Variants in SP140 observed in about 807,000 individuals in gnomAD.
SP140 encodes the protein nuclear body protein SP140.
SP140 carries 81 observed loss-of-function variants against 125.0 expected under a neutral mutation model. That is an observed-to-expected ratio of 0.65 (90% CI 0.54 to 0.78). The LOEUF is 0.78. Ranked by LOEUF, SP140 falls within the 30% of genes least tolerant of loss-of-function variation. The probability of loss-of-function intolerance (pLI) is 0.00; values close to 1 mark genes in which losing one functional copy is unlikely to be tolerated. For missense variants in SP140, 858 were observed against 1,037.0 expected (o/e 0.83, Z 2.37); for synonymous variants, 312 against 354.0 (o/e 0.88, Z 1.33).
chr2:230,217,609 ATG>A (rs2148958452), intron 3 of SP140, among the ~76,000 whole-genome samples: 1 of 152,330 alleles, frequency 6.6e-6, no homozygotes. Context: ...GGTGGTTCCT[ATG>A]ACTGCACCTG....
chr2:230,212,967 C>A, intron 1 of SP140: 1 of 1,614,040 alleles, frequency 6.2e-7, no homozygotes, highest in Non-Finnish European at 8.5e-7. Flanking sequence ...TTCTGCTAGG[C>A]CAGTTGGGGC....
intron 1 of SP140, chr2:230,235,122 C>A (rs1379157261): frequency 6.6e-6 from 1 of 152,174 alleles, no homozygotes; most frequent in Non-Finnish European, 1.5e-5. Context: ...TAAGAGGAAA[C>A]CTCCAGTCTT....
At chr2:230,234,567 C>CT (rs575378887) in intron 1 of SP140, among the ~76,000 whole-genome samples, 30 of 152,274 alleles carry the variant, frequency 2.0e-4, no homozygotes, top group Middle Eastern at 3.4e-3. Flanking sequence ...TGGGTATACA[C>CT]TTTTTTTAGT....
chr2:230,245,676 G>A (rs1371222242), intron 6 of SP140, among the ~76,000 whole-genome samples, 187 bp from the exon 7 acceptor site: 3 of 152,126 alleles, frequency 2.0e-5, no homozygotes, highest in Non-Finnish European at 2.9e-5. Flanking sequence ...AAAAGAAGGA[G>A]AGAGAGGGAG....
intron 12 of SP140, among the ~76,000 whole-genome samples, chr2:230,267,720 G>T (rs1335734539): frequency 6.6e-6 from 1 of 152,142 alleles, no homozygotes; most frequent in Non-Finnish European, 1.5e-5. Context: ...CAGCAAAGAG[G>T]CCACTATATT....
chr2:230,212,916 T>C, intron 1 of SP140: 1 of 1,613,702 alleles, frequency 6.2e-7, no homozygotes, highest in Non-Finnish European at 8.5e-7. Context: ...TTGAGGGGGT[T>C]GTGGTGGGGG....
intron 6 of SP140, among the ~76,000 whole-genome samples, 194 bp downstream of exon 6, chr2:230,245,274 G>C (rs1481783997): frequency 2.0e-5 from 3 of 152,130 alleles, no homozygotes; most frequent in African/African-American, 7.2e-5. Flanking sequence ...CCTGGGCAGA[G>C]AGCTTAAGGG....
At position 230,207,972 on chromosome 2, in the gene SP140, T is replaced by C. The variant is rs771033946; in HGVS notation, c.-323+4693T>C. The C allele has an allele frequency of 9.2e-6, 12 of 1,306,056 alleles. No individual in the cohort carries two copies. In the Admixed American group the frequency reaches 2.1e-4, roughly 23 times the overall value. The allele number at this position is 1,306,056 out of a possible 1,614,324, so 80.9% of individuals were successfully genotyped here. On this transcript the variant is annotated intron_variant, in intron 1 of 4. Transcript: ENST00000456542. ...GAGCTGTTTCCAGCCTCCAGCTTCC[T>C]CTTGTACTCTCATCTTACCTCCTGG...
rs532914168 is a variant in SP140, at chr2:230,293,405, C to T, written c.1968+617C>T. On this transcript the variant is annotated intron_variant, in intron 20 of 26. Transcript: ENST00000392045. ...AAGCAGGAGTGCAGTGGCTCAATCTCGGCTCACTGCAACCTCCACCTCCCA... is the reference window on the plus strand; with the variant it reads ...AAGCAGGAGTGCAGTGGCTCAATCTTGGCTCACTGCAACCTCCACCTCCCA... Among the ~76,000 whole-genome samples the T allele has an allele frequency of 7.9e-4, 121 of 152,288 alleles. 1 individual carries two copies. The highest frequency in any genetic ancestry group is 2.5e-3 in the African/African-American group (104 of 41,558).
chr2:230,223,694 G>T (rs2046001144), upstream of SP140, among the ~76,000 whole-genome samples: 1 of 152,204 alleles, frequency 6.6e-6, no homozygotes, highest in Non-Finnish European at 1.5e-5. Flanking sequence ...TTCAGAGTCA[G>T]GAATTTTGGA....
At position 230,307,990 on chromosome 2, in the gene SP140, T is replaced by TATATATATATAC. The variant is rs869070046; in HGVS notation, c.2059-1933_2059-1932insTATATATATACA. 5.5e-4 allele frequency among the ~76,000 whole-genome samples: 29 copies of TATATATATATAC among 52,622 alleles called. 1 individual carries two copies. Among genetic ancestry groups the TATATATATATAC allele is most frequent in the South Asian group, 3.1e-3 (3 of 972 alleles). 34.5% of individuals were successfully genotyped at this position (52,622 alleles called of 152,430 possible). A position where few individuals can be genotyped will look rare whatever the true frequency, so the allele number is the denominator to read the frequency against. On this transcript the variant is annotated intron_variant, in intron 22 of 26. Coordinates refer to ENST00000392045, the MANE Select transcript of SP140 (RefSeq NM_007237.5). The stretch of plus-strand genomic sequence containing the variant: ...ATATATATATATATATATATATATA[T>TATATATATATAC]ACACACACACACACACACACACACA...
At chr2:230,199,152 T>A (rs1260213980), upstream of SP140, among the ~76,000 whole-genome samples, 948 of 106,752 alleles carry the variant, frequency 8.9e-3, 9 homozygotes, top group African/African-American at 0.039. Flanking sequence ...ATTATTATTT[T>A]TTTTTTTTTT....
At position 230,245,938 on chromosome 2, in the gene SP140, A is replaced by G. The variant is rs1184894942; in HGVS notation, c.740A>G (p.Glu247Gly). 12 of 1,573,328 alleles carry G rather than the reference A, an allele frequency of 7.6e-6. No homozygotes were observed. The Admixed American group carries it at 1.3e-4, about 18-fold the overall frequency. Residue 247 changes from glutamate (E) to glycine (G), a missense_variant and splice_region_variant, in exon 7 of 27, where the codon GAA (glutamate) becomes GGA (glycine). Coordinates refer to ENST00000392045, the MANE Select transcript of SP140 (RefSeq NM_007237.5). ...EMPKLLPYDT[E>G]VLESNGMIDA... ...CCCAAGTTACTGCCTTATGATACAG[A>G]AGGTAATTAGGATTTAAATTAAAGC...
At chr2:230,226,031 G>A (rs972341574) in intron 1 of SP140, 128 bp downstream of exon 1, 7 of 736,128 alleles carry the variant, frequency 9.5e-6, no homozygotes, top group East Asian at 8.3e-5. Flanking sequence ...AATAAATAAC[G>A]AGGCAATCAG....
At position 230,269,589 on chromosome 2, in the gene SP140, C is replaced by T; in HGVS notation, c.1298C>T (p.Ala433Val). 6.3e-7 allele frequency: 1 copy of T among 1,597,544 alleles called. No individual in the cohort carries two copies. Among genetic ancestry groups the T allele is most frequent in the Non-Finnish European group, 8.6e-7 (1 of 1,169,496 alleles). The change falls in exon 13 of 27, where the codon GCT (alanine) becomes GTT (valine). Residue 433 changes from alanine to valine, a missense_variant. Physicochemically the swap from Ala to Val is moderately conservative, Grantham distance 64. Transcript: ENST00000392045. ...MNEEGESEEL[A>V]SSLLYDNVPG... ...GAAGAAGGAGAATCAGAAGAGCTTGCTTCTAGCCTGCTATATGATAATGTA... is the reference window on the plus strand; with the variant it reads ...GAAGAAGGAGAATCAGAAGAGCTTGTTTCTAGCCTGCTATATGATAATGTA...
At chr2:230,275,728 G>A (rs1395416264) in intron 15 of SP140, among the ~76,000 whole-genome samples, 2 of 152,218 alleles carry the variant, frequency 1.3e-5, no homozygotes, top group Non-Finnish European at 2.9e-5. Flanking sequence ...TAGTTAGGAA[G>A]CCATGTCAAA....
At chr2:230,265,632 A>G (rs527664866) in intron 12 of SP140, among the ~76,000 whole-genome samples, 17 of 152,038 alleles carry the variant, frequency 1.1e-4, no homozygotes, top group East Asian at 7.7e-4. Context: ...GCTTCCCCCT[A>G]CACCTGTATT....
chr2:230,309,723 C>T lies in SP140; in HGVS notation c.2059-201C>T, dbSNP rs998161526. Among the ~76,000 whole-genome samples the T allele has an allele frequency of 1.5e-4, 23 of 152,198 alleles. 1 individual carries two copies. Among genetic ancestry groups the T allele is most frequent in the Non-Finnish European group, 2.9e-4 (20 of 68,038 alleles). ...TAAGGAAGACTTTTCAATTCTGACC[C>T]ATACCCCTTCCTCCTGAACTTCACT... On this transcript the variant is annotated intron_variant, in intron 22 of 26. Coordinates refer to ENST00000392045, the MANE Select transcript of SP140 (RefSeq NM_007237.5).
intron 3 of SP140, among the ~76,000 whole-genome samples, chr2:230,215,763 G>T (rs963816205): frequency 6.6e-6 from 1 of 152,232 alleles, no homozygotes; most frequent in Non-Finnish European, 1.5e-5. Context: ...ATATTTGGGG[G>T]TCAGGGTAGG....
Sources: allele counts gnomAD v4.1 joint callset (sites outside exome capture counted in the v4.1 genomes callset), GRCh38; gene constraint gnomAD v4.1.1; transcripts MANE v1.5; gene names NCBI Gene and HGNC (gene_info 2026-07-23, HGNC 2026-07-21).